Variants in APPL1 observed in about 807,000 individuals in gnomAD.
APPL1 encodes DCC-interacting protein 13-alpha.
APPL1 carries 42 observed loss-of-function variants against 106.8 expected under a neutral mutation model. The ratio of observed to expected loss-of-function variants is 0.39; its 90% CI spans 0.31 to 0.51. The LOEUF (loss-of-function observed/expected upper bound fraction) is 0.51, where lower values mean the gene tolerates loss of function less well. Among genes scored for constraint, APPL1 ranks in the 20% least tolerant of loss-of-function variants. APPL1 has a pLI of 0.75. For missense variants in APPL1, 769 were observed against 858.2 expected, an observed-to-expected ratio of 0.90 and a Z score of 1.30; for synonymous variants, 263 against 281.8, an observed-to-expected ratio of 0.93 and a Z score of 0.67.
chr3:57,229,699 CTTTTTTTTTTTTTTT>C (rs753258836), intron 1 of APPL1, among the ~76,000 whole-genome samples: 16 of 93,118 alleles, frequency 1.7e-4, no homozygotes, highest in African/African-American at 7.0e-4. Context: ...ACTGTGCCAG[CTTTTTTTTTTTTTTT>C]TTTTTTTTTT....
Position 57,262,911 on chromosome 3 carries a change from C to T in APPL1, c.1842+2137C>T, listed in dbSNP as rs1354561561. Among the ~76,000 whole-genome samples the T allele has an allele frequency of 2.0e-5, 3 of 148,026 alleles. 1 individual carries two copies. Among genetic ancestry groups the T allele is most frequent in the South Asian group, 4.3e-4 (2 of 4,696 alleles). ...TGTCACCTGGGCTGGAGTGCAATGG[C>T]GCGATCTTGGCTCATTGCAACCTCC... is the stretch of plus-strand genomic sequence containing the variant. On this transcript the variant is annotated intron_variant, in intron 19 of 21. Coordinates refer to ENST00000288266, the MANE Select transcript of APPL1 (RefSeq NM_012096.3).
chr3:57,245,647 A>G (rs766899194), intron 7 of APPL1, among the ~76,000 whole-genome samples: 77 of 151,392 alleles, frequency 5.1e-4, no homozygotes, highest in Non-Finnish European at 8.5e-4. Context: ...GGGTGAAGCT[A>G]TTCTCATGCC....
In APPL1 at chr3:57,240,657, A is replaced by G. The variant is rs1579384895; in HGVS notation, c.373+105A>G. 7.2e-6 allele frequency: 7 copies of G among 967,314 alleles called. No individual in the cohort carries two copies. The East Asian group carries it at 1.5e-4, about 21-fold the overall frequency. The allele number at this position is 967,314 out of a possible 1,614,324, so 59.9% of individuals were successfully genotyped here. A position where few individuals can be genotyped will look rare whatever the true frequency, so the allele number is the denominator to read the frequency against. ...CCATTTCTGGATGACAGCCTATGCC[A>G]CTCTTACTTTGCTCAGTTACCAAAC... On this transcript the variant is annotated intron_variant, in intron 5 of 21. Coordinates refer to ENST00000288266, the MANE Select transcript of APPL1 (RefSeq NM_012096.3).
intron 7 of APPL1, among the ~76,000 whole-genome samples, chr3:57,245,171 C>T (rs938830519): frequency 2.0e-5 from 3 of 152,104 alleles, no homozygotes; most frequent in Non-Finnish European, 4.4e-5. Context: ...GTCATTGAGT[C>T]ATTGGTGTAT....
intron 3 of APPL1, 63 bp from the exon 4 acceptor site, chr3:57,237,982 A>G (rs2060724966): frequency 3.2e-6 from 4 of 1,236,550 alleles, no homozygotes; most frequent in Admixed American, 2.2e-5. Context: ...TGTAAATTAT[A>G]GTAATGTCAT....
chr3:57,248,738 C>T (rs1373001240), intron 10 of APPL1, among the ~76,000 whole-genome samples: 3 of 152,058 alleles, frequency 2.0e-5, no homozygotes, highest in African/African-American at 7.2e-5. Flanking sequence ...AGCATGGTGG[C>T]TTACACCTGT....
intron 5 of APPL1, among the ~76,000 whole-genome samples, chr3:57,240,771 A>G (rs2060741640): frequency 6.6e-6 from 1 of 152,178 alleles, no homozygotes; most frequent in South Asian, 2.1e-4. Flanking sequence ...AATTCTAGAG[A>G]AGGAAGTGGG....
At chr3:57,233,698 T>C (rs2060701218) in intron 1 of APPL1, among the ~76,000 whole-genome samples, 1 of 152,094 alleles carries the variant, frequency 6.6e-6, no homozygotes, top group Non-Finnish European at 1.5e-5. Context: ...CATCATGATT[T>C]TGTGTCCTTT....
rs1432128313 is a variant in APPL1 at position 57,259,955 on chromosome 3, C to T, written c.1594C>T (p.Arg532Trp). The change falls in exon 17 of 22, where the codon CGG becomes TGG. Residue 532 changes from arginine (R) to tryptophan (W), a missense_variant. Coordinates refer to ENST00000288266, the MANE Select transcript of APPL1 (RefSeq NM_012096.3). ...AACTATGCGCCAAATCTTAGCTGCC[C>T]GGGCCATCCATAACATCTTTCGTAT... is the stretch of plus-strand genomic sequence containing the variant. ...YETMRQILAA[R>W]AIHNIFRMTE... The T allele has an allele frequency of 2.5e-6, 4 of 1,613,894 alleles. No homozygotes were observed. Among genetic ancestry groups the T allele is most frequent in the Non-Finnish European group, 3.4e-6 (4 of 1,179,978 alleles).
chr3:57,239,636 G>GT (rs2060735186), intron 4 of APPL1, among the ~76,000 whole-genome samples: 1 of 151,630 alleles, frequency 6.6e-6, no homozygotes, highest in African/African-American at 2.4e-5. Flanking sequence ...ATACAAGATT[G>GT]TTTTTTTTGT....
At position 57,237,340 on chromosome 3, in the gene APPL1, A is replaced by C. The variant is rs528204279; in HGVS notation, c.154-152A>C. The stretch of plus-strand genomic sequence containing the variant: ...TTTGAGTTTTCTTTTAAAGTGCTTT[A>C]ATGGTAGTACCCCTTTCCAGTGATT... On this transcript the variant is annotated intron_variant, in intron 2 of 21. Coordinates refer to ENST00000288266, the MANE Select transcript of APPL1 (RefSeq NM_012096.3). 2.3e-5 allele frequency: 13 copies of C among 574,506 alleles called. No homozygotes were observed. In the South Asian group the frequency reaches 2.5e-4, roughly 11 times the overall value. 35.6% of individuals were successfully genotyped at this position (574,506 alleles called of 1,614,324 possible). A position where few individuals can be genotyped will look rare whatever the true frequency, so the allele number is the denominator to read the frequency against.
At chr3:57,243,905 T>C (rs2060759287) in intron 7 of APPL1, among the ~76,000 whole-genome samples, 1 of 152,134 alleles carries the variant, frequency 6.6e-6, no homozygotes, top group Non-Finnish European at 1.5e-5. Context: ...CGTCAAGCAG[T>C]CTGTTGGGTA....
chr3:57,242,298 A>G (rs1298044525), intron 6 of APPL1, among the ~76,000 whole-genome samples, 156 bp downstream of exon 6: 1 of 152,168 alleles, frequency 6.6e-6, no homozygotes, highest in East Asian at 1.9e-4. Context: ...TACACTGTTT[A>G]TACAGTGTAA....
At chr3:57,241,523 A>G (rs1277400815) in intron 5 of APPL1, among the ~76,000 whole-genome samples, 1 of 152,218 alleles carries the variant, frequency 6.6e-6, no homozygotes, top group Non-Finnish European at 1.5e-5. Context: ...TAAATTATAC[A>G]TGGAATACAG....
intron 20 of APPL1, 45 bp downstream of exon 20, chr3:57,267,837 A>G: frequency 1.3e-6 from 2 of 1,598,186 alleles, no homozygotes; most frequent in South Asian, 2.2e-5. Flanking sequence ...CACACCTGTA[A>G]TCGCAGCACA....
At chr3:57,245,093 A>G (rs17057869) in intron 7 of APPL1, among the ~76,000 whole-genome samples, 10,713 of 152,132 alleles carry the variant, frequency 0.07, 1,260 homozygotes, top group African/African-American at 0.24. Flanking sequence ...ACACACATAA[A>G]GAACCCAGCT....
rs1273969386 is a variant in APPL1, at chr3:57,257,033, G to A, written c.1229G>A (p.Ser410Asn). 6.2e-7 allele frequency: 1 copy of A among 1,614,158 alleles called. No individual in the cohort carries two copies. Among genetic ancestry groups the A allele is most frequent in the Admixed American group, 1.7e-5 (1 of 60,020 alleles). The change falls in exon 14 of 22, where the codon AGC becomes AAC. Residue 410 changes from serine to asparagine, a missense_variant. Transcript: ENST00000288266. ...PSPSFQQRHESLRPAAGQSRP... is the reference protein window; with the variant it reads ...PSPSFQQRHENLRPAAGQSRP... ...CCATCTTTCCAGCAGAGGCACGAGA[G>A]CCTGCGGCCAGCAGCAGGGTAAGTT...
At chr3:57,269,401 TTTTC>T (rs1271180498) in intron 21 of APPL1, 136 bp from the exon 22 acceptor site, 1 of 784,106 alleles carries the variant, frequency 1.3e-6, no homozygotes, top group Non-Finnish European at 1.9e-6. Flanking sequence ...TGGGTGTAGC[TTTTC>T]TTTTTATCAA....
chr3:57,253,872 T>G, intron 13 of APPL1, 134 bp downstream of exon 13: 1 of 795,998 alleles, frequency 1.3e-6, no homozygotes, highest in Non-Finnish European at 1.7e-6. Flanking sequence ...CTTTTTTTTT[T>G]TTTTTTTTGA....
Sources: gnomAD v4.1 joint callset for allele counts (sites outside exome capture counted in the v4.1 genomes callset) on GRCh38, gnomAD v4.1.1 for gene constraint, MANE v1.5 for transcripts, NCBI Gene and HGNC (gene_info 2026-07-23, HGNC 2026-07-21) for gene names.